The following CERS4 variants were observed in gnomAD, a reference collection of about 807,000 sequenced individuals.
The protein encoded by CERS4 is ceramide synthase 4.
Under a neutral mutation model 51.8 loss-of-function variants are expected in CERS4, and 65 were observed. The observed-to-expected ratio is 1.26, with a 90% CI of 1.03 to 1.54. The LOEUF (loss-of-function observed/expected upper bound fraction) is 1.54, where lower values mean the gene tolerates loss of function less well. CERS4 is among the 40% of genes most tolerant of loss of function. The pLI, the probability that CERS4 is intolerant of heterozygous loss-of-function variation, is 0.00. For missense variants in CERS4, 563 were observed against 500.4 expected (o/e 1.13, Z -1.19); for synonymous variants, 228 against 208.4 (o/e 1.09, Z -0.81).
At chr19:8,241,047 C>T (rs548607841) in intron 2 of CERS4, among the ~76,000 whole-genome samples, 4 of 152,132 alleles carry the variant, frequency 2.6e-5, no homozygotes, top group Non-Finnish European at 5.9e-5. Flanking sequence ...GTCACACTGG[C>T]CCTGCCACCC....
At chr19:8,211,077 G>A (rs1009659328) in intron 2 of CERS4, among the ~76,000 whole-genome samples, 2 of 152,064 alleles carry the variant, frequency 1.3e-5, no homozygotes, top group Non-Finnish European at 1.5e-5. Flanking sequence ...GGGTTCTAAC[G>A]CCCGGTGGGA....
chr19:8,240,330 GT>G (rs1425529022), intron 2 of CERS4, among the ~76,000 whole-genome samples: 1 of 152,056 alleles, frequency 6.6e-6, no homozygotes, highest in East Asian at 1.9e-4. Context: ...GGGGGGAGTG[GT>G]ACCTCAACCG....
intron 2 of CERS4, chr19:8,241,544 A>T (rs185160641): frequency 6.6e-6 from 1 of 151,996 alleles, no homozygotes; most frequent in Admixed American, 6.6e-5. Context: ...ACCTTAAGCA[A>T]TCCTCCCACT....
intron 2 of CERS4, among the ~76,000 whole-genome samples, chr19:8,220,162 T>C (rs886851560): frequency 2.6e-5 from 4 of 151,734 alleles, no homozygotes; most frequent in African/African-American, 9.7e-5. Flanking sequence ...TGTGTCCCCT[T>C]ATTCCTGCCC....
At chr19:8,235,007 C>CTTTTTTTTTTTTTTTTTTTT (rs566104740) in intron 2 of CERS4, among the ~76,000 whole-genome samples, 2 of 127,892 alleles carry the variant, frequency 1.6e-5, no homozygotes, top group Non-Finnish European at 3.2e-5. Context: ...TTCTTTCTTT[C>CTTTTTTTTTTTTTTTTTTTT]TTTCTTTTTT....
At chr19:8,234,238 A>G (rs1214078652) in intron 2 of CERS4, among the ~76,000 whole-genome samples, 6 of 151,938 alleles carry the variant, frequency 3.9e-5, no homozygotes, top group Non-Finnish European at 7.4e-5. Flanking sequence ...CCCAGGAGGC[A>G]GAGCTTGCAG....
intron 3 of CERS4, among the ~76,000 whole-genome samples, chr19:8,253,260 G>C (rs951866037): frequency 6.6e-6 from 1 of 152,200 alleles, no homozygotes; most frequent in African/African-American, 2.4e-5. Context: ...GAGGGGCTTG[G>C]AGCGGGAACA....
intron 3 of CERS4, among the ~76,000 whole-genome samples, chr19:8,251,812 AATGTGAGC>A (rs952899956): frequency 1.3e-4 from 20 of 148,968 alleles, no homozygotes; most frequent in African/African-American, 4.3e-4. Context: ...AAAAAAAAAA[AATGTGAGC>A]TGGGGTGTTA....
chr19:8,258,981 A>C (rs1389145031), intron 10 of CERS4, among the ~76,000 whole-genome samples: 1 of 150,976 alleles, frequency 6.6e-6, no homozygotes, highest in African/African-American at 2.4e-5. Context: ...TGAAAACACA[A>C]TAATTAGCTG....
chr19:8,226,236 G>T (rs542348800), intron 2 of CERS4, among the ~76,000 whole-genome samples: 1 of 152,210 alleles, frequency 6.6e-6, no homozygotes, highest in African/African-American at 2.4e-5. Flanking sequence ...CTTCCTCAGG[G>T]TGTGACTGAT....
intron 2 of CERS4, among the ~76,000 whole-genome samples, chr19:8,232,023 T>G (rs1599537657): frequency 6.7e-6 from 1 of 148,806 alleles, no homozygotes. Flanking sequence ...AGAGACAGGG[T>G]CTCACTATCT....
In CERS4 at chr19:8,229,680, A is replaced by G. The variant is rs1326939856; in HGVS notation, c.-2+18818A>G. ...GCCTGCCTTGGCCTCCCAAAGTGCTAGGATTACAGGTGTGAGCCAACATGC... is the reference window on the plus strand; with the variant it reads ...GCCTGCCTTGGCCTCCCAAAGTGCTGGGATTACAGGTGTGAGCCAACATGC... On this transcript the variant is annotated intron_variant, in intron 2 of 11. Transcript: ENST00000251363. Among the ~76,000 whole-genome samples the G allele has an allele frequency of 2.6e-5, 4 of 151,302 alleles. 1 individual carries two copies. Among genetic ancestry groups the G allele is most frequent in the African/African-American group, 2.4e-5 (1 of 41,172 alleles).
rs557343213 is a variant in CERS4 at position 8,244,664 on chromosome 19, C to T, written c.-1-6412C>T. On this transcript the variant is annotated intron_variant, in intron 2 of 11. Coordinates refer to ENST00000251363, the MANE Select transcript of CERS4 (RefSeq NM_024552.3). ...AAAATGCTACGCCCTGCATGGCAAC[C>T]AACACCTGAGAATCCCTGCATTATT... Among the ~76,000 whole-genome samples the T allele has an allele frequency of 1.9e-3, 284 of 152,246 alleles. 1 individual carries two copies. The highest frequency in any genetic ancestry group is 3.4e-3 in the Non-Finnish European group (228 of 68,022).
chr19:8,245,122 A>AAAAAAAAAAAAACAAAAAAAAAC (rs1968713686), intron 2 of CERS4, among the ~76,000 whole-genome samples: 1 of 129,256 alleles, frequency 7.7e-6, no homozygotes, highest in African/African-American at 3.2e-5. Context: ...AAAAAAAAAA[A>AAAAAAAAAAAAACAAAAAAAAAC]AAAAAAAAAA....
At chr19:8,228,506 C>T (rs1013698697) in intron 2 of CERS4, among the ~76,000 whole-genome samples, 2 of 151,856 alleles carry the variant, frequency 1.3e-5, no homozygotes, top group South Asian at 4.2e-4. Context: ...GAAACCCCAT[C>T]TCTACTAAAA....
rs78974291 is a variant in CERS4, at chr19:8,243,848, C to G, written c.-1-7228C>G. Among the ~76,000 whole-genome samples the G allele has an allele frequency of 8.4e-3, 1,282 of 152,194 alleles. 19 individuals carry two copies. Among genetic ancestry groups the G allele is most frequent in the African/African-American group, 0.029 (1,214 of 41,508 alleles). On this transcript the variant is annotated intron_variant, in intron 2 of 11. Coordinates refer to ENST00000251363, the MANE Select transcript of CERS4 (RefSeq NM_024552.3). ...CACGGGAACATTTTAGCTGCCCTCCCCCACACCCACAATTTGTGTTGTCTG... is the reference window on the plus strand; with the variant it reads ...CACGGGAACATTTTAGCTGCCCTCCGCCACACCCACAATTTGTGTTGTCTG...
At chr19:8,217,610 C>T (rs1967355860) in intron 2 of CERS4, among the ~76,000 whole-genome samples, 1 of 151,178 alleles carries the variant, frequency 6.6e-6, no homozygotes, top group South Asian at 2.1e-4. Context: ...CATCTCGGCT[C>T]ACTGCAAGCT....
At chr19:8,217,265 C>A (rs746103785) in intron 2 of CERS4, among the ~76,000 whole-genome samples, 10 of 152,066 alleles carry the variant, frequency 6.6e-5, no homozygotes, top group Non-Finnish European at 1.2e-4. Context: ...CTCCCAGAGA[C>A]CCCTCATTCA....
intron 2 of CERS4, among the ~76,000 whole-genome samples, chr19:8,234,799 C>G (rs1178394598): frequency 1.3e-5 from 2 of 151,684 alleles, no homozygotes; most frequent in Non-Finnish European, 2.9e-5. Context: ...GGTGATCCAC[C>G]TGCCTCGGCT....
Sources: gnomAD v4.1 joint callset for allele counts (sites outside exome capture counted in the v4.1 genomes callset) on GRCh38, gnomAD v4.1.1 for gene constraint, MANE v1.5 for transcripts, NCBI Gene and HGNC (gene_info 2026-07-23, HGNC 2026-07-21) for gene names.